The following PACRGL variants were observed in gnomAD, a reference collection of about 807,000 sequenced individuals.
PACRGL encodes the protein parkin coregulated like, also known as PACRG-like protein.
In PACRGL, 38 loss-of-function variants were observed where a neutral mutation model predicts 34.5. That is an observed-to-expected ratio of 1.10 (90% CI 0.85 to 1.44). The LOEUF (loss-of-function observed/expected upper bound fraction) is 1.44, where lower values mean the gene tolerates loss of function less well. PACRGL is among the 40% of genes most tolerant of loss of function. The probability of loss-of-function intolerance (pLI) is 0.00; values close to 1 mark genes in which losing one functional copy is unlikely to be tolerated. For missense variants in PACRGL, 305 were observed against 281.4 expected, an observed-to-expected ratio of 1.08 and a Z score of -0.60; for synonymous variants, 128 against 100.1, an observed-to-expected ratio of 1.28 and a Z score of -1.66.
intron 7 of PACRGL, among the ~76,000 whole-genome samples, chr4:20,716,414 A>G (rs935291168): frequency 6.6e-6 from 1 of 152,004 alleles, no homozygotes; most frequent in African/African-American, 2.4e-5. Context: ...TTTGTTACGT[A>G]TGTATACGTG....
At chr4:20,752,059 T>G (rs1224527229) in intron 8 of PACRGL, among the ~76,000 whole-genome samples, 1 of 140,922 alleles carries the variant, frequency 7.1e-6, no homozygotes, top group Non-Finnish European at 1.6e-5. Context: ...CATAGAGTTT[T>G]TTTTTTTTTT....
intron 8 of PACRGL, among the ~76,000 whole-genome samples, chr4:20,748,936 A>G (rs1461790428): frequency 1.3e-5 from 2 of 150,406 alleles, no homozygotes; most frequent in South Asian, 2.1e-4. Context: ...TATATAAGCT[A>G]TGTAAATATC....
At chr4:20,726,966 T>C (rs1429212751) in intron 8 of PACRGL, among the ~76,000 whole-genome samples, 3 of 152,108 alleles carry the variant, frequency 2.0e-5, no homozygotes, top group Non-Finnish European at 4.4e-5. Flanking sequence ...TTTGTTGTTA[T>C]CTCCCTCTAA....
At chr4:20,713,980 T>A (rs1578204551) in intron 7 of PACRGL, among the ~76,000 whole-genome samples, 1 of 152,272 alleles carries the variant, frequency 6.6e-6, no homozygotes, top group East Asian at 1.9e-4. Flanking sequence ...TTCTGTTGAT[T>A]TGGGGTGGAG....
In PACRGL at chr4:20,712,542, G is replaced by A. The variant is rs1437092440; in HGVS notation, c.367-246G>A. ...ATGCTCTTTTATATGAAGAACTTTAGTATCCACGGGTTTTGGTATCCATTG... is the reference window on the plus strand; with the variant it reads ...ATGCTCTTTTATATGAAGAACTTTAATATCCACGGGTTTTGGTATCCATTG... On this transcript the variant is annotated intron_variant, in intron 5 of 8. Transcript: ENST00000503585. Among the ~76,000 whole-genome samples, 3 of 152,068 alleles carry A rather than the reference G, an allele frequency of 2.0e-5. No homozygotes were observed. The East Asian group carries it at 5.8e-4, about 29-fold the overall frequency.
intron 1 of PACRGL, among the ~76,000 whole-genome samples, chr4:20,703,400 A>T (rs1375248804): frequency 6.6e-6 from 1 of 152,146 alleles, no homozygotes; most frequent in Non-Finnish European, 1.5e-5. Flanking sequence ...CATTTGAGAA[A>T]CCAAGATGAG....
upstream of PACRGL, among the ~76,000 whole-genome samples, chr4:20,697,424 A>G (rs1731288140): frequency 6.6e-6 from 1 of 152,110 alleles, no homozygotes; most frequent in African/African-American, 2.4e-5. Context: ...GCACAATGAG[A>G]AAAAAAATCG....
At chr4:20,724,912 G>A (rs1560368606) in intron 8 of PACRGL, 24 bp downstream of exon 8, 1 of 1,255,144 alleles carries the variant, frequency 8.0e-7, no homozygotes, top group Non-Finnish European at 1.0e-6. Flanking sequence ...TATTCCTTAA[G>A]TCTTTTTTTT....
upstream of PACRGL, among the ~76,000 whole-genome samples, chr4:20,697,619 T>C (rs1210361665): frequency 1.3e-5 from 2 of 152,222 alleles, no homozygotes; most frequent in African/African-American, 2.4e-5. Flanking sequence ...GTTTGCCATT[T>C]AGAAAGTTTT....
At chr4:20,760,271 C>T in the PACRGL span, among the ~76,000 whole-genome samples, 1 of 152,140 alleles carries the variant, frequency 6.6e-6, no homozygotes. Context: ...ACTAAGTTCA[C>T]TGGGGAAGGA....
At chr4:20,712,745 A>C (rs1214124367) in intron 5 of PACRGL, 43 bp from the exon 6 acceptor site, 3 of 1,363,190 alleles carry the variant, frequency 2.2e-6, no homozygotes, top group Middle Eastern at 2.0e-4. Context: ...TATTAGCATA[A>C]TGAAATGGGT....
At chr4:20,741,936 GAACACCT>G in intron 8 of PACRGL, among the ~76,000 whole-genome samples, 4 of 152,248 alleles carry the variant, frequency 2.6e-5, no homozygotes, top group Admixed American at 2.6e-4. Flanking sequence ...AGAATACGAT[GAACACCT>G]CTATGCGAAT....
downstream of PACRGL, among the ~76,000 whole-genome samples, chr4:20,735,738 T>C (rs1749474232): frequency 6.6e-6 from 1 of 152,088 alleles, no homozygotes; most frequent in Non-Finnish European, 1.5e-5. Flanking sequence ...GGTTTCACCA[T>C]GTTGGCCAGG....
At position 20,730,824 on chromosome 4, in the gene PACRGL, A is replaced by C. The variant is rs1268651263; in HGVS notation, c.*3483A>C. Among the ~76,000 whole-genome samples the C allele has an allele frequency of 6.6e-6, 1 of 152,286 alleles. No homozygotes were observed. Reference sequence around the variant, plus strand: ...TGGAGCACTTGTCAGTTGCATGTGAATAGCACTTACTGAGCTGTTTATGGT... The same window carrying C: ...TGGAGCACTTGTCAGTTGCATGTGACTAGCACTTACTGAGCTGTTTATGGT... On this transcript the variant is annotated 3_prime_UTR_variant, in exon 9 of 9. Transcript: ENST00000503585.
intron 1 of PACRGL, chr4:20,701,935 C>A: frequency 2.2e-6 from 1 of 455,324 alleles, no homozygotes; most frequent in Non-Finnish European, 4.4e-6. Context: ...GAAGGAAATT[C>A]TCTAATACAG....
downstream of PACRGL, among the ~76,000 whole-genome samples, chr4:20,734,969 A>T (rs1400748102): frequency 6.6e-6 from 1 of 152,152 alleles, no homozygotes; most frequent in South Asian, 2.1e-4. Context: ...TCATACTGGA[A>T]ATTGTACCAG....
At chr4:20,762,937 CCTT>C in the PACRGL span, among the ~76,000 whole-genome samples, 2 of 112,906 alleles carry the variant, frequency 1.8e-5, no homozygotes, top group South Asian at 3.5e-4. Context: ...AAGGAAGGCA[CCTT>C]CTTCACAAGG....
At chr4:20,723,738 G>T (rs1215506142) in intron 7 of PACRGL, among the ~76,000 whole-genome samples, 1 of 152,126 alleles carries the variant, frequency 6.6e-6, no homozygotes, top group Non-Finnish European at 1.5e-5. Flanking sequence ...CCTAGACAAG[G>T]ACTGACTGAA....
intron 7 of PACRGL, among the ~76,000 whole-genome samples, chr4:20,717,284 G>A (rs1301215295): frequency 1.3e-5 from 2 of 152,100 alleles, no homozygotes; most frequent in Non-Finnish European, 2.9e-5. Flanking sequence ...TCTGTAGGTT[G>A]CCTGTTCACT....
Sources: gnomAD v4.1 joint callset for allele counts (sites outside exome capture counted in the v4.1 genomes callset) on GRCh38, gnomAD v4.1.1 for gene constraint, MANE v1.5 for transcripts, NCBI Gene and HGNC (gene_info 2026-07-23, HGNC 2026-07-21) for gene names.